CTNNA3: variants seen among roughly 807,000 people sequenced by gnomAD.
The protein encoded by CTNNA3 is catenin alpha-3.
Under a neutral mutation model 95.7 loss-of-function variants are expected in CTNNA3, and 76 were observed. The observed-to-expected ratio is 0.79, with a 90% CI of 0.66 to 0.96. CTNNA3 has a LOEUF of 0.96. Among genes scored for constraint, CTNNA3 ranks in the 40% least tolerant of loss-of-function variants. The pLI is 0.00. For missense variants in CTNNA3, 1,191 were observed against 1,089.8 expected (o/e 1.09, Z -1.31); for synonymous variants, 431 against 374.4 (o/e 1.15, Z -1.74).
rs145922791 is a variant in CTNNA3 at position 67,124,188 on chromosome 10, A to C, written c.1047+56129T>G. 2.5e-3 allele frequency among the ~76,000 whole-genome samples: 381 copies of C among 152,302 alleles called. 3 individuals are homozygous for C. Among genetic ancestry groups the C allele is most frequent in the African/African-American group, 8.6e-3 (356 of 41,556 alleles). ...AAATGTTCAGACCTCTCAATTCCAA[A>C]ATTGACATAATGTTTCAAATTTTAA... On this transcript the variant is annotated intron_variant, in intron 7 of 17. Coordinates refer to ENST00000433211, the MANE Select transcript of CTNNA3 (RefSeq NM_013266.4).
intron 11 of CTNNA3, among the ~76,000 whole-genome samples, chr10:66,484,987 A>T (rs921363478): frequency 6.6e-6 from 1 of 152,128 alleles, no homozygotes; most frequent in Admixed American, 6.5e-5. Flanking sequence ...AACAAAAACT[A>T]TATGGTTATA....
At chr10:67,473,442 C>A (rs1847899863) in intron 5 of CTNNA3, among the ~76,000 whole-genome samples, 2 of 152,112 alleles carry the variant, frequency 1.3e-5, no homozygotes, top group African/African-American at 2.4e-5. Flanking sequence ...TTAGCGATAA[C>A]AGAGAAATAC....
At chr10:66,641,020 C>T (rs1049425786) in intron 9 of CTNNA3, among the ~76,000 whole-genome samples, 4 of 152,064 alleles carry the variant, frequency 2.6e-5, no homozygotes, top group African/African-American at 9.7e-5. Flanking sequence ...CAGCCAAATG[C>T]AATCCCAAGT....
At chr10:66,475,293 G>A (rs1257646581) in intron 11 of CTNNA3, among the ~76,000 whole-genome samples, 1 of 151,810 alleles carries the variant, frequency 6.6e-6, no homozygotes, top group Admixed American at 6.6e-5. Flanking sequence ...TTAAATTTAG[G>A]ACCCCAAAAA....
At chr10:66,292,232 T>G (rs973085649) in intron 12 of CTNNA3, among the ~76,000 whole-genome samples, 1 of 152,086 alleles carries the variant, frequency 6.6e-6, no homozygotes, top group Admixed American at 6.6e-5. Context: ...AATCACTATG[T>G]CCTGCTGATT....
chr10:66,970,378 T>A (rs1849649592), intron 7 of CTNNA3, among the ~76,000 whole-genome samples: 1 of 152,060 alleles, frequency 6.6e-6, no homozygotes, highest in South Asian at 2.1e-4. Flanking sequence ...CAGCTTCTTC[T>A]CGATATACAG....
chr10:66,625,794 C>T (rs1402391893), intron 9 of CTNNA3, among the ~76,000 whole-genome samples: 1 of 152,114 alleles, frequency 6.6e-6, no homozygotes, highest in Non-Finnish European at 1.5e-5. Flanking sequence ...ATCCTTCACT[C>T]CCTAACCCAT....
intron 1 of CTNNA3, among the ~76,000 whole-genome samples, chr10:67,649,861 C>A (rs539109898): frequency 2.9e-4 from 44 of 152,238 alleles, no homozygotes; most frequent in African/African-American, 1.0e-3. Flanking sequence ...ATTTTTGAGA[C>A]TGAGTTTTGC....
intron 9 of CTNNA3, among the ~76,000 whole-genome samples, chr10:66,723,112 GAATA>G (rs904604216): frequency 1.1e-3 from 170 of 152,172 alleles, no homozygotes; most frequent in African/African-American, 4.1e-3. Context: ...TAGCAAGAAA[GAATA>G]AAGAAAAGGG....
intron 11 of CTNNA3, among the ~76,000 whole-genome samples, chr10:66,425,556 A>G (rs1388266726): frequency 3.9e-5 from 6 of 152,094 alleles, no homozygotes; most frequent in Admixed American, 1.3e-4. Context: ...CAAGAATCTT[A>G]GCATATTTAA....
chr10:66,037,978 C>A (rs575707924), intron 15 of CTNNA3, among the ~76,000 whole-genome samples: 2 of 152,230 alleles, frequency 1.3e-5, no homozygotes, highest in South Asian at 4.2e-4. Flanking sequence ...GAGGGACAGA[C>A]CACAAAGCTC....
intron 3 of CTNNA3, among the ~76,000 whole-genome samples, chr10:67,563,586 G>A (rs1405228458): frequency 6.6e-6 from 1 of 152,094 alleles, no homozygotes; most frequent in Non-Finnish European, 1.5e-5. Context: ...GCACAGGCAA[G>A]GACTTCATGA....
intron 13 of CTNNA3, among the ~76,000 whole-genome samples, chr10:66,115,138 C>T (rs2082274959): frequency 6.6e-6 from 1 of 152,110 alleles, no homozygotes; most frequent in Non-Finnish European, 1.5e-5. Flanking sequence ...GCAAAATCTG[C>T]AGTGGGGTAG....
At chr10:67,599,769 C>T (rs1017994136) in intron 3 of CTNNA3, among the ~76,000 whole-genome samples, 3 of 152,080 alleles carry the variant, frequency 2.0e-5, no homozygotes, top group Non-Finnish European at 4.4e-5. Context: ...TGTTTTTAAT[C>T]AGAAGACTCA....
At chr10:66,584,121 T>C (rs1350903522) in intron 10 of CTNNA3, among the ~76,000 whole-genome samples, 1 of 151,944 alleles carries the variant, frequency 6.6e-6, no homozygotes, top group East Asian at 1.9e-4. Flanking sequence ...TTGGAGAATC[T>C]TCCATGTGCT....
chr10:67,105,235 TGATAGATA>T (rs56678810), intron 7 of CTNNA3, among the ~76,000 whole-genome samples: 12 of 150,518 alleles, frequency 8.0e-5, no homozygotes, highest in South Asian at 2.1e-4. Flanking sequence ...ACATATTAAA[TGATAGATA>T]GATAGATAGA....
chr10:66,248,760 C>T (rs913242023), intron 13 of CTNNA3, among the ~76,000 whole-genome samples: 4 of 152,058 alleles, frequency 2.6e-5, no homozygotes, highest in Non-Finnish European at 4.4e-5. Context: ...ATATTCTTAG[C>T]CCTAAAGAGA....
intron 5 of CTNNA3, among the ~76,000 whole-genome samples, chr10:67,467,908 G>C (rs1220039600): frequency 2.6e-5 from 4 of 151,398 alleles, no homozygotes; most frequent in Non-Finnish European, 5.9e-5. Context: ...ACTGAGTCTT[G>C]CCATGTTGCC....
At chr10:67,680,015 T>G (rs1353996542) in intron 1 of CTNNA3, among the ~76,000 whole-genome samples, 1 of 152,252 alleles carries the variant, frequency 6.6e-6, no homozygotes, top group Admixed American at 6.5e-5. Flanking sequence ...TTCATTGGTC[T>G]GACTTTTAAT....
Sources: gnomAD v4.1 joint callset for allele counts (sites outside exome capture counted in the v4.1 genomes callset) on GRCh38, gnomAD v4.1.1 for gene constraint, MANE v1.5 for transcripts, NCBI Gene and HGNC (gene_info 2026-07-23, HGNC 2026-07-21) for gene names.